The following ASTN2 variants were observed in gnomAD, a reference collection of about 807,000 sequenced individuals.
The protein encoded by ASTN2 is astrotactin-2.
In ASTN2, 54 loss-of-function variants were observed where a neutral mutation model predicts 139.8. The observed-to-expected ratio is 0.39, with a 90% CI of 0.31 to 0.48. The LOEUF is 0.48. ASTN2 is among the 20% of genes least tolerant of loss of function. The pLI is 0.95. For synonymous variants in ASTN2, 756 were observed against 719.5 expected, an observed-to-expected ratio of 1.05 and a Z score of -0.81; for missense variants, 1,565 against 1,725.1, an observed-to-expected ratio of 0.91 and a Z score of 1.64.
intron 3 of ASTN2, among the ~76,000 whole-genome samples, chr9:117,166,298 C>T (rs758579999): frequency 6.6e-5 from 10 of 152,024 alleles, no homozygotes; most frequent in Admixed American, 1.3e-4. Flanking sequence ...GCAAATCCTC[C>T]GGTATGGCTC....
intron 19 of ASTN2, among the ~76,000 whole-genome samples, chr9:116,558,627 A>G (rs1425165182): frequency 6.6e-6 from 1 of 152,142 alleles, no homozygotes; most frequent in Non-Finnish European, 1.5e-5. Context: ...GGTCCGGAAA[A>G]GTCATGTTTC....
intron 16 of ASTN2, among the ~76,000 whole-genome samples, chr9:116,659,996 G>T (rs73530819): frequency 6.6e-6 from 1 of 152,028 alleles, no homozygotes. Context: ...CAGTACTCAC[G>T]CCTGGACTCT....
chr9:117,412,253 C>T (rs1401263507), intron 1 of ASTN2, among the ~76,000 whole-genome samples: 1 of 152,124 alleles, frequency 6.6e-6, no homozygotes, highest in Admixed American at 6.5e-5. Flanking sequence ...GAGGCAAGAA[C>T]CCAATCCCCC....
In ASTN2 at chr9:116,699,043, T is replaced by G; in HGVS notation, c.2806+26728A>C. 6.2e-7 allele frequency: 1 copy of G among 1,614,188 alleles called. No homozygotes were observed. Among genetic ancestry groups the G allele is most frequent in the South Asian group, 1.1e-5 (1 of 91,088 alleles). On this transcript the variant is annotated intron_variant, in intron 16 of 22. Transcript: ENST00000313400. The surrounding 1 kb of genome is among the most constrained non-coding windows in gnomAD (Gnocchi z 4.2). ...CTACCCAACCTCACTCCTCTCTCAG[T>G]GGCAATGAACTGCCAGGGGCTGATT...
intron 13 of ASTN2, among the ~76,000 whole-genome samples, chr9:116,773,380 G>T (rs1830003779): frequency 6.6e-6 from 1 of 152,148 alleles, no homozygotes; most frequent in African/African-American, 2.4e-5. Flanking sequence ...TCCTGCCAAG[G>T]TCTTGACCGA....
At chr9:117,070,382 G>A (rs1828082071) in intron 5 of ASTN2, among the ~76,000 whole-genome samples, 1 of 77,708 alleles carries the variant, frequency 1.3e-5, no homozygotes, top group Non-Finnish European at 2.6e-5. Context: ...GAGATCCGCT[G>A]TTAGTCTGAT....
Position 116,933,979 on chromosome 9 carries a change from C to CTTTTTTTTTTTTT in ASTN2, c.1889+41216_1889+41228dup, listed in dbSNP as rs148724828. On this transcript the variant is annotated intron_variant, in intron 10 of 22. Transcript: ENST00000313400. ...ACCTCAGTTGTGCGAAGTGTTAGTC[C>CTTTTTTTTTTTTT]TTTTTTTTTTTTTTTTTTTTTTTCT... 8.6e-3 allele frequency among the ~76,000 whole-genome samples: 747 copies of CTTTTTTTTTTTTT among 86,752 alleles called. 130 individuals are homozygous for CTTTTTTTTTTTTT. Among genetic ancestry groups the CTTTTTTTTTTTTT allele is most frequent in the East Asian group, 0.061 (102 of 1,660 alleles). The allele number at this position is 86,752 out of a possible 152,430, so 56.9% of individuals were successfully genotyped here.
intron 19 of ASTN2, among the ~76,000 whole-genome samples, chr9:116,602,103 G>A (rs1854931778): frequency 6.6e-6 from 1 of 152,188 alleles, no homozygotes; most frequent in African/African-American, 2.4e-5. Flanking sequence ...ATAGAGATAT[G>A]AAGTAAGTTT....
At chr9:116,934,841 C>T (rs1002716446) in intron 10 of ASTN2, among the ~76,000 whole-genome samples, 9 of 152,070 alleles carry the variant, frequency 5.9e-5, no homozygotes, top group East Asian at 1.9e-4. Flanking sequence ...ATGGTTGTTC[C>T]GTGATTTTCT....
chr9:117,395,983 A>G (rs1287921542), intron 1 of ASTN2, among the ~76,000 whole-genome samples: 1 of 152,220 alleles, frequency 6.6e-6, no homozygotes, highest in Non-Finnish European at 1.5e-5. Context: ...ATGCTCGGCA[A>G]CTTTACTATT....
At chr9:117,298,884 G>A (rs1176999028) in intron 1 of ASTN2, among the ~76,000 whole-genome samples, 1 of 151,858 alleles carries the variant, frequency 6.6e-6, no homozygotes, top group Non-Finnish European at 1.5e-5. Flanking sequence ...GTTTAATTGA[G>A]CCGTCCCATA....
At chr9:116,803,889 C>T (rs1489992379) in intron 13 of ASTN2, among the ~76,000 whole-genome samples, 1 of 151,472 alleles carries the variant, frequency 6.6e-6, no homozygotes, top group African/African-American at 2.4e-5. Context: ...TGTTCTCAAA[C>T]TCCTGGGCTC....
chr9:116,553,960 G>C (rs756916592), intron 19 of ASTN2, among the ~76,000 whole-genome samples: 2 of 152,124 alleles, frequency 1.3e-5, no homozygotes, highest in Non-Finnish European at 2.9e-5. Context: ...AGCATTGAAC[G>C]AATGAACGAA....
intron 19 of ASTN2, among the ~76,000 whole-genome samples, chr9:116,543,003 T>G (rs1456081590): frequency 6.8e-6 from 1 of 147,728 alleles, no homozygotes; most frequent in Non-Finnish European, 1.5e-5. Flanking sequence ...GAAAAAAAAA[T>G]CATATAGTAT....
chr9:116,703,196 T>C (rs1347931900), intron 16 of ASTN2, among the ~76,000 whole-genome samples: 4 of 151,758 alleles, frequency 2.6e-5, no homozygotes, highest in African/African-American at 4.8e-5. Flanking sequence ...TGGTATCTCA[T>C]AGTGGTTTTG....
intron 1 of ASTN2, among the ~76,000 whole-genome samples, chr9:117,312,625 A>T (rs1410119826): frequency 1.3e-5 from 2 of 152,224 alleles, no homozygotes; most frequent in Non-Finnish European, 2.9e-5. Flanking sequence ...AATGATAAGG[A>T]TGGCCCTGAA....
intron 5 of ASTN2, among the ~76,000 whole-genome samples, chr9:117,050,732 C>A (rs1341611065): frequency 6.6e-6 from 1 of 152,132 alleles, no homozygotes; most frequent in Non-Finnish European, 1.5e-5. Context: ...ATGGTGGTCA[C>A]ACTGCTTCTA....
chr9:117,144,991 T>G (rs10983545), intron 3 of ASTN2, among the ~76,000 whole-genome samples: 117 of 151,830 alleles, frequency 7.7e-4, no homozygotes, highest in Non-Finnish European at 1.4e-3. Flanking sequence ...CTCTTTTTTT[T>G]TAAAAACTTT....
At chr9:117,007,375 A>G (rs1364168356) in intron 7 of ASTN2, among the ~76,000 whole-genome samples, 1 of 152,196 alleles carries the variant, frequency 6.6e-6, no homozygotes, top group Non-Finnish European at 1.5e-5. Context: ...GATATTCTAT[A>G]TCTATGTTGT....
Sources: gnomAD v4.1 joint callset for allele counts (sites outside exome capture counted in the v4.1 genomes callset) on GRCh38, gnomAD v4.1.1 for gene constraint, Gnocchi (gnomAD v3.1) non-coding constraint, MANE v1.5 for transcripts, NCBI Gene and HGNC (gene_info 2026-07-23, HGNC 2026-07-21) for gene names.